The following MAML3 variants were observed in gnomAD, a reference collection of about 807,000 sequenced individuals.
MAML3 encodes mastermind like transcriptional coactivator 3.
A neutral mutation model predicts 101.9 loss-of-function variants in MAML3; 27 were observed. The ratio of observed to expected loss-of-function variants is 0.27; its 90% CI spans 0.20 to 0.37. The LOEUF (loss-of-function observed/expected upper bound fraction) is 0.37, where lower values mean the gene tolerates loss of function less well. Ranked by LOEUF, MAML3 falls within the 10% of genes least tolerant of loss-of-function variation. The pLI, the probability that MAML3 is intolerant of heterozygous loss-of-function variation, is 1.00. For missense variants in MAML3, 1,316 were observed against 1,444.9 expected, an observed-to-expected ratio of 0.91 and a Z score of 1.45; for synonymous variants, 501 against 555.9, an observed-to-expected ratio of 0.90 and a Z score of 1.39.
In MAML3 at chr4:140,109,947, A is replaced by G. The variant is rs1371956668; in HGVS notation, c.468+42913T>C. On this transcript the variant is annotated intron_variant, in intron 1 of 4. Transcript: ENST00000509479. Reference sequence around the variant, plus strand: ...TCCACTCATTGTCAAAATTCCCACCATATAATGCTCTTCAAAATTATTTTA... The same window carrying G: ...TCCACTCATTGTCAAAATTCCCACCGTATAATGCTCTTCAAAATTATTTTA... 5.3e-5 allele frequency among the ~76,000 whole-genome samples: 8 copies of G among 152,292 alleles called. No homozygotes were observed. The East Asian group carries it at 1.5e-3, about 29-fold the overall frequency.
At chr4:139,788,304 C>T (rs1386406002) in intron 2 of MAML3, among the ~76,000 whole-genome samples, 1 of 152,180 alleles carries the variant, frequency 6.6e-6, no homozygotes, top group Non-Finnish European at 1.5e-5. Flanking sequence ...TCCGCACTCC[C>T]TCCCATTTCT....
intron 2 of MAML3, among the ~76,000 whole-genome samples, chr4:139,855,695 T>G (rs1452325557): frequency 1.3e-5 from 2 of 152,218 alleles, no homozygotes; most frequent in Admixed American, 1.3e-4. Context: ...CTCATCTTTA[T>G]CATGGGCATC....
intron 2 of MAML3, among the ~76,000 whole-genome samples, chr4:139,732,838 A>AT (rs1388879318): frequency 6.6e-6 from 1 of 152,130 alleles, no homozygotes; most frequent in Non-Finnish European, 1.5e-5. Context: ...ACTGCGTTCT[A>AT]TTTTTTATGT....
At chr4:140,098,842 T>G (rs1194011209) in intron 1 of MAML3, among the ~76,000 whole-genome samples, 1 of 152,212 alleles carries the variant, frequency 6.6e-6, no homozygotes, top group Non-Finnish European at 1.5e-5. Flanking sequence ...CTCTCTTGCC[T>G]TTTTGCTCTT....
chr4:140,024,209 A>AGATG (rs1022093431), intron 1 of MAML3, among the ~76,000 whole-genome samples: 23 of 152,060 alleles, frequency 1.5e-4, no homozygotes, highest in Non-Finnish European at 4.4e-5. Flanking sequence ...AGCAGAGTCA[A>AGATG]GATGGATGGA....
At chr4:139,991,860 A>G (rs1221097380) in intron 1 of MAML3, among the ~76,000 whole-genome samples, 1 of 151,984 alleles carries the variant, frequency 6.6e-6, no homozygotes, top group East Asian at 1.9e-4. Flanking sequence ...AAACAACAAC[A>G]ACAAACCATC....
intron 2 of MAML3, 43 bp from the exon 3 acceptor site, chr4:139,730,710 A>G: frequency 6.4e-7 from 1 of 1,550,580 alleles, no homozygotes; most frequent in Non-Finnish European, 8.8e-7. Flanking sequence ...TTCCCCATAG[A>G]GACTCACTGC....
At position 140,001,028 on chromosome 4, in the gene MAML3, C is replaced by T. The variant is rs1734914542; in HGVS notation, c.469-110061G>A. ...GGGCAACAAGAGCAAAACTCCGTCT[C>T]AAAAAAAAGAAAAAAAAGAAAAGAA... is the stretch of plus-strand genomic sequence containing the variant. On this transcript the variant is annotated intron_variant, in intron 1 of 4. Coordinates refer to ENST00000509479, the MANE Select transcript of MAML3 (RefSeq NM_018717.5). Among the ~76,000 whole-genome samples, 3 of 149,668 alleles carry T rather than the reference C, an allele frequency of 2.0e-5. No homozygotes were observed. The South Asian group carries it at 6.3e-4, about 32-fold the overall frequency.
intron 2 of MAML3, among the ~76,000 whole-genome samples, chr4:139,851,392 C>T (rs1319903058): frequency 6.6e-6 from 1 of 152,268 alleles, no homozygotes; most frequent in Non-Finnish European, 1.5e-5. Flanking sequence ...CCTATTGGCT[C>T]TGCAAATCCA....
chr4:139,913,003 G>A (rs1055973072), intron 1 of MAML3, among the ~76,000 whole-genome samples: 2 of 152,248 alleles, frequency 1.3e-5, no homozygotes, highest in Non-Finnish European at 2.9e-5. Flanking sequence ...AGGCCAAAAT[G>A]AGTATTTCCA....
chr4:140,082,980 A>G (rs967789391), intron 1 of MAML3, among the ~76,000 whole-genome samples: 5 of 152,220 alleles, frequency 3.3e-5, no homozygotes, highest in Non-Finnish European at 7.3e-5. Flanking sequence ...AGGGTGTGCT[A>G]TTACTACTTT....
chr4:139,834,775 A>G (rs1731229973), intron 2 of MAML3, among the ~76,000 whole-genome samples: 1 of 152,156 alleles, frequency 6.6e-6, no homozygotes, highest in Admixed American at 6.5e-5. Context: ...AATAATTTTA[A>G]CAACTCTGTA....
intron 2 of MAML3, among the ~76,000 whole-genome samples, chr4:139,824,203 A>G (rs966813609): frequency 6.6e-6 from 1 of 152,212 alleles, no homozygotes; most frequent in Non-Finnish European, 1.5e-5. Context: ...ATTCGAGAAT[A>G]TTCAAGGTTT....
Position 139,976,045 on chromosome 4 carries a change from T to C in MAML3, c.469-85078A>G, listed in dbSNP as rs138502714. Among the ~76,000 whole-genome samples, 950 of 152,328 alleles carry C rather than the reference T, an allele frequency of 6.2e-3. 8 individuals are homozygous for C. Among genetic ancestry groups the C allele is most frequent in the Non-Finnish European group, 0.01 (682 of 68,032 alleles). On this transcript the variant is annotated intron_variant, in intron 1 of 4. Transcript: ENST00000509479. ...TGTTTCCAAACATAATTGATTGCTATTTTCTTCCTGCTTACATTTCTGAGA... is the reference window on the plus strand; with the variant it reads ...TGTTTCCAAACATAATTGATTGCTACTTTCTTCCTGCTTACATTTCTGAGA...
chr4:139,986,350 A>C (rs1365377220), intron 1 of MAML3, among the ~76,000 whole-genome samples: 1 of 152,244 alleles, frequency 6.6e-6, no homozygotes, highest in Non-Finnish European at 1.5e-5. Context: ...CCAAGGATAA[A>C]GCATTTTGGA....
intron 1 of MAML3, among the ~76,000 whole-genome samples, chr4:139,995,201 T>G (rs990681574): frequency 1.3e-5 from 2 of 152,240 alleles, no homozygotes; most frequent in Non-Finnish European, 2.9e-5. Flanking sequence ...TATGTTACAT[T>G]GATTAATTTG....
At chr4:139,878,517 C>T (rs534014968) in intron 2 of MAML3, among the ~76,000 whole-genome samples, 1 of 152,280 alleles carries the variant, frequency 6.6e-6, no homozygotes, top group East Asian at 1.9e-4. Flanking sequence ...CAATTTTCTA[C>T]ACCTGTGTCG....
chr4:139,849,378 C>T (rs564733044), intron 2 of MAML3, among the ~76,000 whole-genome samples: 2 of 152,188 alleles, frequency 1.3e-5, no homozygotes, highest in South Asian at 4.2e-4. Flanking sequence ...TAGGAACTTC[C>T]TGTAGAAAAG....
At chr4:140,124,909 T>C (rs1393774132) in intron 1 of MAML3, among the ~76,000 whole-genome samples, 1 of 152,096 alleles carries the variant, frequency 6.6e-6, no homozygotes, top group African/African-American at 2.4e-5. Context: ...CACAGGCAAA[T>C]ACCCAGATGA....
Sources: gnomAD v4.1 joint callset for allele counts (sites outside exome capture counted in the v4.1 genomes callset) on GRCh38, gnomAD v4.1.1 for gene constraint, MANE v1.5 for transcripts, NCBI Gene and HGNC (gene_info 2026-07-23, HGNC 2026-07-21) for gene names.